Variants in ARK2C observed in about 807,000 individuals in gnomAD.
ARK2C encodes the protein E3 ubiquitin-protein ligase ARK2C.
the ARK2C span, among the ~76,000 whole-genome samples, chr18:46,351,276 G>A: frequency 3.9e-5 from 6 of 152,178 alleles, no homozygotes; most frequent in African/African-American, 7.2e-5. Context: ...AGTGGAGCTC[G>A]GGACTTCCCT....
the ARK2C span, among the ~76,000 whole-genome samples, chr18:46,381,344 G>A: frequency 0.012 from 1,843 of 152,308 alleles, 36 homozygotes; most frequent in African/African-American, 0.042. Flanking sequence ...CCCATGCCAA[G>A]AGAATTTGGA....
At chr18:46,360,582 T>A in the ARK2C span, among the ~76,000 whole-genome samples, 8 of 152,136 alleles carry the variant, frequency 5.3e-5, no homozygotes, top group Non-Finnish European at 1.0e-4. Flanking sequence ...TCTCTTCTCC[T>A]CTCCTCTTTT....
At chr18:46,352,533 A>G in the ARK2C span, among the ~76,000 whole-genome samples, 3 of 152,204 alleles carry the variant, frequency 2.0e-5, no homozygotes, top group African/African-American at 7.2e-5. Context: ...AACAGCCTAG[A>G]GTGGTGCTCA....
At chr18:46,348,371 T>A in the ARK2C span, among the ~76,000 whole-genome samples, 1 of 152,180 alleles carries the variant, frequency 6.6e-6, no homozygotes, top group African/African-American at 2.4e-5. Context: ...CAGCTTTGCC[T>A]ATTGGCCAGC....
At chr18:46,388,047 T>C in the ARK2C span, among the ~76,000 whole-genome samples, 3 of 152,124 alleles carry the variant, frequency 2.0e-5, no homozygotes, top group Admixed American at 6.5e-5. Context: ...CCATTCCCCA[T>C]CTAGATGAAC....
chr18:46,338,970 C>A, the ARK2C span, among the ~76,000 whole-genome samples: 1 of 152,188 alleles, frequency 6.6e-6, no homozygotes, highest in Non-Finnish European at 1.5e-5. Flanking sequence ...CCTCTCCCCC[C>A]ATGGCTGCCC....
At chr18:46,448,379 A>G in the ARK2C span, among the ~76,000 whole-genome samples, 2 of 152,144 alleles carry the variant, frequency 1.3e-5, no homozygotes, top group African/African-American at 4.8e-5. Context: ...ATGAAAGGGA[A>G]CCTGCTGGAC....
chr18:46,342,816 A>G, the ARK2C span, among the ~76,000 whole-genome samples: 2 of 152,272 alleles, frequency 1.3e-5, no homozygotes, highest in Admixed American at 1.3e-4. Context: ...ATCAAAGGAA[A>G]AAAAACCTCA....
chr18:46,334,563 C>A, the ARK2C span: 2 of 493,288 alleles, frequency 4.1e-6, no homozygotes, highest in South Asian at 6.4e-5. The surrounding 1 kb of genome is among the most constrained non-coding windows in gnomAD (Gnocchi z 4.4). Context: ...GGGTCCCTTC[C>A]TCCCCAGCCC....
At chr18:46,460,728 G>C in the ARK2C span, 2 of 152,520 alleles carry the variant, frequency 1.3e-5, no homozygotes, top group African/African-American at 4.8e-5. Context: ...ATTGCAAGCT[G>C]TCCTACCGTG....
the ARK2C span, among the ~76,000 whole-genome samples, chr18:46,356,631 A>G: frequency 6.6e-6 from 1 of 152,168 alleles, no homozygotes; most frequent in South Asian, 2.1e-4. Context: ...GAGTATTCAG[A>G]TTCCATCATG....
At chr18:46,418,232 CCA>C in the ARK2C span, among the ~76,000 whole-genome samples, 1 of 151,878 alleles carries the variant, frequency 6.6e-6, no homozygotes, top group Non-Finnish European at 1.5e-5. Context: ...TCGCACATGC[CCA>C]TAGTCCCAGC....
chr18:46,456,651 A>G, the ARK2C span: 8 of 1,554,246 alleles, frequency 5.1e-6, no homozygotes, highest in Non-Finnish European at 7.1e-6. Flanking sequence ...GGAATTAGCC[A>G]GTGGACACCC....
At chr18:46,350,443 CATGTCAGTAGAGCATGAGAGAAG>C in the ARK2C span, among the ~76,000 whole-genome samples, 1 of 152,148 alleles carries the variant, frequency 6.6e-6, no homozygotes, top group Non-Finnish European at 1.5e-5. Context: ...GCGTGAGGTC[CATGTCAGTAGAGCATGAGAGAAG>C]GGAGCGCTGA....
the ARK2C span, among the ~76,000 whole-genome samples, chr18:46,373,303 C>A: frequency 3.9e-5 from 6 of 152,258 alleles, no homozygotes; most frequent in African/African-American, 1.4e-4. Flanking sequence ...TTCCTCAGAG[C>A]TTGCCCAGTG....
the ARK2C span, among the ~76,000 whole-genome samples, chr18:46,413,685 C>T: frequency 2.0e-5 from 3 of 152,188 alleles, no homozygotes; most frequent in South Asian, 2.1e-4. Context: ...AGGAGAGCAG[C>T]GCTTTTTCCA....
the ARK2C span, among the ~76,000 whole-genome samples, chr18:46,375,182 CCTGGCCGCATTCTTTTGTGCTGTCA>C: frequency 6.6e-6 from 1 of 152,240 alleles, no homozygotes; most frequent in Non-Finnish European, 1.5e-5. Context: ...TCCAGGCCGC[CCTGGCCGCATTCTTTTGTGCTGTCA>C]CTGGCCGCAT....
At chr18:46,448,762 C>A in the ARK2C span, among the ~76,000 whole-genome samples, 1 of 152,108 alleles carries the variant, frequency 6.6e-6, no homozygotes, top group Non-Finnish European at 1.5e-5. Flanking sequence ...GGCCTTTGGG[C>A]TCCTGACATT....
the ARK2C span, among the ~76,000 whole-genome samples, chr18:46,377,484 G>A: frequency 4.1e-4 from 63 of 152,312 alleles, no homozygotes; most frequent in Middle Eastern, 3.4e-3. Context: ...CATAGGAGGG[G>A]CAGCAAGTGG....
Sources: gnomAD v4.1 joint callset for allele counts (sites outside exome capture counted in the v4.1 genomes callset) on GRCh38, gnomAD v4.1.1 for gene constraint, Gnocchi (gnomAD v3.1) non-coding constraint, MANE v1.5 for transcripts, NCBI Gene and HGNC (gene_info 2026-07-23, HGNC 2026-07-21) for gene names.